Variants in ATP8A1 observed in about 807,000 individuals in gnomAD.
The protein encoded by ATP8A1 is phospholipid-transporting ATPase IA.
Under a neutral mutation model 177.7 loss-of-function variants are expected in ATP8A1, and 90 were observed. That is an observed-to-expected ratio of 0.51 (90% confidence interval 0.43 to 0.60). The LOEUF (loss-of-function observed/expected upper bound fraction) is 0.60. ATP8A1 is among the 20% of genes least tolerant of loss of function. The pLI, the probability that ATP8A1 is intolerant of heterozygous loss-of-function variation, is 0.00. For synonymous variants in ATP8A1, 493 were observed against 485.9 expected, an observed-to-expected ratio of 1.01 and a Z score of -0.19; for missense variants, 1,072 against 1,392.8, an observed-to-expected ratio of 0.77 and a Z score of 3.67.
chr4:42,492,397 A>AT (rs773189610), intron 24 of ATP8A1, among the ~76,000 whole-genome samples: 5 of 152,178 alleles, frequency 3.3e-5, no homozygotes, highest in Non-Finnish European at 5.9e-5. Flanking sequence ...ACCAAAATTC[A>AT]TATGTTGAAA....
At chr4:42,478,860 A>G (rs931516130) in intron 25 of ATP8A1, among the ~76,000 whole-genome samples, 1 of 152,232 alleles carries the variant, frequency 6.6e-6, no homozygotes, top group Non-Finnish European at 1.5e-5. Flanking sequence ...TGGCATGGAT[A>G]AGTTTAATGG....
chr4:42,511,684 T>C (rs1427570935), intron 22 of ATP8A1, among the ~76,000 whole-genome samples: 1 of 152,210 alleles, frequency 6.6e-6, no homozygotes, highest in Non-Finnish European at 1.5e-5. Context: ...AAGCTTCATG[T>C]AGTTTGGTAA....
intron 24 of ATP8A1, among the ~76,000 whole-genome samples, chr4:42,486,911 T>C (rs2153189522): frequency 6.6e-6 from 1 of 152,310 alleles, no homozygotes; most frequent in Admixed American, 6.5e-5. Context: ...GTACCCTCTA[T>C]GATGTTCATA....
intron 14 of ATP8A1, among the ~76,000 whole-genome samples, chr4:42,574,409 A>G (rs150017730): frequency 2.2e-4 from 33 of 152,310 alleles, no homozygotes; most frequent in African/African-American, 6.7e-4. Context: ...ACCATTGGGC[A>G]GAGCACCCAC....
rs1202524906 is a variant in ATP8A1 at position 42,599,838 on chromosome 4, A to G, written c.450+640T>C. On this transcript the variant is annotated intron_variant, in intron 6 of 36. Coordinates refer to ENST00000381668, the MANE Select transcript of ATP8A1 (RefSeq NM_006095.2). ...AGTTACCAAAGCTATTCATTTGTGG[A>G]TGACTAGATTTTAAACCTTCTTCCA... Among the ~76,000 whole-genome samples the G allele has an allele frequency of 2.0e-5, 3 of 152,222 alleles. No homozygotes were observed. In the East Asian group the frequency reaches 5.8e-4, roughly 29 times the overall value.
chr4:42,448,401 C>CTTTTCTTTTTTTTTTTTT (rs1553875016), intron 30 of ATP8A1, among the ~76,000 whole-genome samples: 1 of 99,572 alleles, frequency 1.0e-5, no homozygotes, highest in African/African-American at 3.4e-5. Flanking sequence ...TCTTTCTTTT[C>CTTTTCTTTTTTTTTTTTT]TTTTTTTTTT....
intron 25 of ATP8A1, among the ~76,000 whole-genome samples, chr4:42,478,818 G>C (rs907550305): frequency 6.6e-6 from 1 of 152,142 alleles, no homozygotes; most frequent in Admixed American, 6.5e-5. Context: ...ACAAATTCAT[G>C]TCCTTATTTT....
At chr4:42,426,872 T>C (rs2153169042) in intron 33 of ATP8A1, among the ~76,000 whole-genome samples, 1 of 152,358 alleles carries the variant, frequency 6.6e-6, no homozygotes, top group African/African-American at 2.4e-5. Flanking sequence ...TAAAGTGCCA[T>C]TCATCTCAAT....
At chr4:42,424,067 ATT>A (rs1714305285) in intron 33 of ATP8A1, among the ~76,000 whole-genome samples, 1 of 152,136 alleles carries the variant, frequency 6.6e-6, no homozygotes, top group Admixed American at 6.5e-5. Flanking sequence ...AAAAACAACA[ATT>A]TGATTATTTT....
intron 33 of ATP8A1, among the ~76,000 whole-genome samples, chr4:42,435,449 A>C (rs1197632426): frequency 1.8e-5 from 1 of 55,964 alleles, no homozygotes; most frequent in African/African-American, 8.1e-5. Context: ...AAAAAAAAAA[A>C]CAAAAAAAAA....
At chr4:42,510,403 T>C (rs1302685830) in intron 22 of ATP8A1, among the ~76,000 whole-genome samples, 5 of 152,232 alleles carry the variant, frequency 3.3e-5, no homozygotes, top group Non-Finnish European at 1.5e-5. Flanking sequence ...GTTTACACAA[T>C]GATTCTTCCA....
intron 16 of ATP8A1, among the ~76,000 whole-genome samples, chr4:42,553,021 AC>A (rs1729668624): frequency 1.3e-5 from 2 of 152,002 alleles, no homozygotes. Flanking sequence ...AACAAACAAA[AC>A]CCCATAAAAA....
intron 24 of ATP8A1, among the ~76,000 whole-genome samples, chr4:42,490,094 A>G (rs1249806899): frequency 6.6e-6 from 1 of 152,178 alleles, no homozygotes; most frequent in Admixed American, 6.5e-5. Flanking sequence ...GGAGGGAGCC[A>G]CAGTGGAAAG....
At chr4:42,578,506 C>G in intron 11 of ATP8A1, 119 bp from the exon 12 acceptor site, 2 of 1,101,574 alleles carry the variant, frequency 1.8e-6, no homozygotes, top group Non-Finnish European at 2.6e-6. Context: ...TTGGGAGGAA[C>G]ACTTTGCTGA....
chr4:42,625,820 G>A, intron 2 of ATP8A1, 107 bp from the exon 3 acceptor site: 2 of 536,614 alleles, frequency 3.7e-6, no homozygotes, highest in Non-Finnish European at 6.4e-6. Flanking sequence ...AACATTTGCC[G>A]GCTGTTTCAA....
At chr4:42,552,718 T>A in intron 16 of ATP8A1, 108 bp from the exon 17 acceptor site, 1 of 775,424 alleles carries the variant, frequency 1.3e-6, no homozygotes. Context: ...CCAGACATGG[T>A]AGCTCACACC....
chr4:42,646,410 A>C (rs1740540110), intron 1 of ATP8A1, among the ~76,000 whole-genome samples: 2 of 152,206 alleles, frequency 1.3e-5, no homozygotes, highest in Non-Finnish European at 2.9e-5. Context: ...GACTAAATCT[A>C]TGTGGGATTG....
rs565139270 is a variant in ATP8A1, at chr4:42,636,156, A to ACACACACACACGCGCGCGCGTGCGCG, written c.50-9048_50-9047insCGCGCACGCGCGCGCGTGTGTGTGTG. On this transcript the variant is annotated intron_variant, in intron 1 of 36. Transcript: ENST00000381668. Reference sequence around the variant, plus strand: ...CACACACACACACACACACACACACACGCACACACACACACATAAGCTTCT... The same window carrying ACACACACACACGCGCGCGCGTGCGCG: ...CACACACACACACACACACACACACACACACACACACGCGCGCGCGTGCGCGCGCACACACACACACATAAGCTTCT... Among the ~76,000 whole-genome samples the ACACACACACACGCGCGCGCGTGCGCG allele has an allele frequency of 5.9e-4, 54 of 90,962 alleles. 1 individual carries two copies. The highest frequency in any genetic ancestry group is 1.7e-3 in the African/African-American group (51 of 30,266). The allele number at this position is 90,962 out of a possible 152,430, so 59.7% of individuals were successfully genotyped here. A position where few individuals can be genotyped will look rare whatever the true frequency, so the allele number is the denominator to read the frequency against.
intron 35 of ATP8A1, among the ~76,000 whole-genome samples, chr4:42,421,481 A>T (rs1713919348): frequency 6.6e-6 from 1 of 152,118 alleles, no homozygotes; most frequent in South Asian, 2.1e-4. Flanking sequence ...TCTGGAAAAA[A>T]ATGGAGATGA....
Sources: allele counts gnomAD v4.1 joint callset (sites outside exome capture counted in the v4.1 genomes callset), GRCh38; gene constraint gnomAD v4.1.1; transcripts MANE v1.5; gene names NCBI Gene and HGNC (gene_info 2026-07-23, HGNC 2026-07-21).